HAMP: variants seen among roughly 807,000 people sequenced by gnomAD.
HAMP encodes hepcidin antimicrobial peptide, also known as hepcidin.
HAMP carries 5 observed loss-of-function variants against 7.8 expected under a neutral mutation model. The ratio of observed to expected loss-of-function variants is 0.64; its 90% CI spans 0.33 to 1.34. The LOEUF (loss-of-function observed/expected upper bound fraction) is 1.34. HAMP is among the 40% of genes most tolerant of loss of function. The probability of loss-of-function intolerance (pLI) is 0.05; values close to 1 mark genes in which losing one functional copy is unlikely to be tolerated. For synonymous variants in HAMP, 52 were observed against 38.6 expected (o/e 1.35, Z -1.28); for missense variants, 105 against 104.1 (o/e 1.01, Z -0.04).
intron 1 of HAMP, chr19:35,284,334 ACTCGGG>A: frequency 5.1e-6 from 1 of 196,506 alleles, no homozygotes; most frequent in Non-Finnish European, 1.1e-5. Flanking sequence ...TGTCCCAGCT[ACTCGGG>A]AAGCTGAGGC....
rs1408683313 is a variant in HAMP at position 35,285,065 on chromosome 19, C to A, written c.*23C>A. 1.4e-6 allele frequency: 2 copies of A among 1,412,036 alleles called. No individual in the cohort carries two copies. Among genetic ancestry groups the A allele is most frequent in the Non-Finnish European group, 2.0e-6 (2 of 995,246 alleles). 87.5% of individuals were successfully genotyped at this position (1,412,036 alleles called of 1,614,324 possible). On this transcript the variant is annotated 3_prime_UTR_variant, in exon 3 of 3. Coordinates refer to ENST00000222304, the MANE Select transcript of HAMP (RefSeq NM_021175.4). ...TAGAACCTACCTGCCCTGCCCCCGT[C>A]CCCTCCCTTCCTTATTTATTCCTGC... is the stretch of plus-strand genomic sequence containing the variant.
chr19:35,282,734 G>A (rs2066309813), intron 1 of HAMP, 67 bp downstream of exon 1: 1 of 1,250,950 alleles, frequency 8.0e-7, no homozygotes, highest in African/African-American at 1.5e-5. Flanking sequence ...CTCAGCCTAG[G>A]GCACTGGAGA....
In HAMP at chr19:35,282,612, T is replaced by C; in HGVS notation, c.35T>C (p.Leu12Pro). 1 of 1,614,060 alleles carries C rather than the reference T, an allele frequency of 6.2e-7. No homozygotes were observed. The part of the protein sequence containing the change: ...ALSSQIWAAC[L>P]LLLLLLASLT... The stretch of plus-strand genomic sequence containing the variant: ...AGCTCCCAGATCTGGGCCGCTTGCC[T>C]CCTGCTCCTCCTCCTCCTCGCCAGC... Residue 12 changes from leucine to proline, a missense_variant, in exon 1 of 3, where the codon CTC becomes CCC. Coordinates refer to ENST00000222304, the MANE Select transcript of HAMP (RefSeq NM_021175.4).
intron 1 of HAMP, 120 bp downstream of exon 1, chr19:35,282,787 G>A: frequency 1.2e-6 from 1 of 828,172 alleles, no homozygotes. Flanking sequence ...CAGGAGTACT[G>A]GCAGCTGAAC....
intron 2 of HAMP, 30 bp downstream of exon 2, chr19:35,284,878 CCCCTGCT>C: frequency 1.9e-6 from 3 of 1,607,302 alleles, no homozygotes; most frequent in Non-Finnish European, 1.7e-6. Context: ...CTTTCCTAGC[CCCCTGCT>C]CCCTCCCCAT....
rs575517109 is a variant in HAMP, at chr19:35,282,851, G to A, written c.90+184G>A. 17 of 608,202 alleles carry A rather than the reference G, an allele frequency of 2.8e-5. No individual in the cohort carries two copies. In the South Asian group the frequency reaches 3.0e-4, roughly 11 times the overall value. 37.7% of individuals were successfully genotyped at this position (608,202 alleles called of 1,614,324 possible). A position where few individuals can be genotyped will look rare whatever the true frequency, so the allele number is the denominator to read the frequency against. On this transcript the variant is annotated intron_variant, in intron 1 of 2. Coordinates refer to ENST00000222304, the MANE Select transcript of HAMP (RefSeq NM_021175.4). ...GCCTGTAATCCCAGCACTTTGGGAG[G>A]TTGAGGCAGGCAGCCCACTTGAGGT...
Position 35,282,644 on chromosome 19 carries a change from A to G in HAMP, c.67A>G (p.Ser23Gly). The change falls in exon 1 of 3, where the codon AGT (serine) becomes GGT (glycine). Residue 23 changes from serine (S) to glycine (G), a missense_variant. Physicochemically the swap from Ser to Gly is moderately conservative, Grantham distance 56. Coordinates refer to ENST00000222304, the MANE Select transcript of HAMP (RefSeq NM_021175.4). ...LLLLLLASLT[S>G]GSVFPQQTGQ... is the part of the protein sequence containing the mutation. ...CCTCCTCCTCCTCGCCAGCCTGACC[A>G]GTGGCTCTGTTTTCCCACAACAGGT... 6.2e-7 allele frequency: 1 copy of G among 1,614,064 alleles called. No individual in the cohort carries two copies. Among genetic ancestry groups the G allele is most frequent in the Non-Finnish European group, 8.5e-7 (1 of 1,179,944 alleles).
chr19:35,282,704 C>T (rs747735026), intron 1 of HAMP, 37 bp downstream of exon 1: 2 of 1,504,554 alleles, frequency 1.3e-6, no homozygotes, highest in African/African-American at 1.4e-5. Context: ...AGCAGGGCAG[C>T]AGGGATGGGA....
Position 35,285,133 on chromosome 19 carries a change from T to C in HAMP, c.*91T>C, listed in dbSNP as rs1599640898. 1.1e-6 allele frequency: 1 copy of C among 873,500 alleles called. No homozygotes were observed. Among genetic ancestry groups the C allele is most frequent in the South Asian group, 1.3e-5 (1 of 75,188 alleles). The allele number at this position is 873,500 out of a possible 1,614,324, so 54.1% of individuals were successfully genotyped here. On this transcript the variant is annotated 3_prime_UTR_variant, in exon 3 of 3. Transcript: ENST00000222304. The stretch of plus-strand genomic sequence containing the variant: ...CTTGGAATAAAATGGCTGGTTCTTT[T>C]GTTTTCCAAACCAGAGTGTCTGTTG...
intron 1 of HAMP, chr19:35,284,477 G>A (rs1202391892): frequency 5.9e-6 from 3 of 511,428 alleles, no homozygotes; most frequent in African/African-American, 1.9e-5. Flanking sequence ...TCTGCTGTGT[G>A]GCAAATGGAT....
Position 35,284,867 on chromosome 19 carries a change from C to T in HAMP, c.150+19C>T, listed in dbSNP as rs2066319138. 1 of 1,609,648 alleles carries T rather than the reference C, an allele frequency of 6.2e-7. No homozygotes were observed. The highest frequency in any genetic ancestry group is 1.3e-5 in the African/African-American group (1 of 74,762). On this transcript the variant is annotated intron_variant, in intron 2 of 2. Coordinates refer to ENST00000222304, the MANE Select transcript of HAMP (RefSeq NM_021175.4). ...CTGGATGGTGAGCGCAACAGTGATG[C>T]CTTTCCTAGCCCCCTGCTCCCTCCC... is the stretch of plus-strand genomic sequence containing the variant.
chr19:35,284,899 A>T, intron 2 of HAMP, 39 bp from the exon 3 acceptor site: 1 of 1,606,628 alleles, frequency 6.2e-7, no homozygotes, highest in Non-Finnish European at 8.5e-7. Flanking sequence ...TCCCCATGCT[A>T]AGGCCGGTTC....
At chr19:35,284,604 A>AG in intron 1 of HAMP, 185 bp from the exon 2 acceptor site, 2 of 591,112 alleles carry the variant, frequency 3.4e-6, no homozygotes, top group Non-Finnish European at 6.0e-6. Flanking sequence ...CGGATCTGGG[A>AG]GGTTTTTTTT....
intron 1 of HAMP, chr19:35,284,437 T>C: frequency 2.5e-6 from 1 of 395,296 alleles, no homozygotes. Context: ...AGAGGAAGAC[T>C]CTGTCTAAAA....
In HAMP at chr19:35,284,352, G is replaced by A. The variant is rs375447882; in HGVS notation, c.91-437G>A. The A allele has an allele frequency of 2.0e-5, 4 of 204,454 alleles. No individual in the cohort carries two copies. In the East Asian group the frequency reaches 4.8e-4, roughly 24 times the overall value. 12.7% of individuals were successfully genotyped at this position (204,454 alleles called of 1,614,324 possible). On this transcript the variant is annotated intron_variant, in intron 1 of 2. Coordinates refer to ENST00000222304, the MANE Select transcript of HAMP (RefSeq NM_021175.4). ...CCCAGCTACTCGGGAAGCTGAGGCG[G>A]GAGCATCGCTTGAGCACAGGAGGTC...
intron 1 of HAMP, chr19:35,283,611 G>A (rs558767289): frequency 6.6e-6 from 1 of 152,466 alleles, no homozygotes; most frequent in East Asian, 1.9e-4. Flanking sequence ...CTTCGTCTTG[G>A]AGGGTGAGAG....
intron 1 of HAMP, chr19:35,283,171 G>A (rs896109784): frequency 7.7e-5 from 16 of 208,268 alleles, no homozygotes; most frequent in Non-Finnish European, 1.3e-4. Flanking sequence ...CCCCTACGCC[G>A]TGTGGAGTCT....
chr19:35,285,039 G>C lies in HAMP; in HGVS notation c.252G>C (p.Thr84=). The part of the protein sequence containing the change: ...HRSKCGMCCK[T] ...CAAAGTGTGGGATGTGCTGCAAGAC[G>C]TAGAACCTACCTGCCCTGCCCCCGT... is the stretch of plus-strand genomic sequence containing the variant. Residue 84 remains threonine (T), a synonymous_variant, in exon 3 of 3, where the codon ACG becomes ACC. Coordinates refer to ENST00000222304, the MANE Select transcript of HAMP (RefSeq NM_021175.4). 1 of 1,602,532 alleles carries C rather than the reference G, an allele frequency of 6.2e-7. No homozygotes were observed. The highest frequency in any genetic ancestry group is 8.6e-7 in the Non-Finnish European group (1 of 1,169,446).
At chr19:35,282,813 C>T in intron 1 of HAMP, 146 bp downstream of exon 1, 2 of 712,224 alleles carry the variant, frequency 2.8e-6, no homozygotes, top group Non-Finnish European at 5.1e-6. Flanking sequence ...CCAGGACAGG[C>T]ACGGTGGCTC....
Sources: allele counts gnomAD v4.1 joint callset, GRCh38; gene constraint gnomAD v4.1.1; transcripts MANE v1.5; gene names NCBI Gene and HGNC (gene_info 2026-07-23, HGNC 2026-07-21).